PPP1R1C: variants seen among roughly 807,000 people sequenced by gnomAD.
The protein encoded by PPP1R1C is protein phosphatase 1 regulatory inhibitor subunit 1C, also known as protein phosphatase 1 regulatory subunit 1C.
Under a neutral mutation model 17.4 loss-of-function variants are expected in PPP1R1C, and 15 were observed. The ratio of observed to expected loss-of-function variants is 0.86; its 90% CI spans 0.58 to 1.33. The LOEUF (loss-of-function observed/expected upper bound fraction) is 1.33, where lower values mean the gene tolerates loss of function less well. PPP1R1C is among the 40% of genes most tolerant of loss of function. The pLI is 0.00. For synonymous variants in PPP1R1C, 35 were observed against 43.1 expected (o/e 0.81, Z 0.73); for missense variants, 143 against 130.0 (o/e 1.10, Z -0.48).
intron 4 of PPP1R1C, among the ~76,000 whole-genome samples, chr2:182,086,419 C>T (rs371553730): frequency 6.5e-4 from 99 of 152,156 alleles, no homozygotes; most frequent in Admixed American, 1.0e-3. Flanking sequence ...GGAAAAGATA[C>T]ACTCATGCAT....
intron 4 of PPP1R1C, among the ~76,000 whole-genome samples, chr2:182,087,261 C>T (rs1454239258): frequency 6.6e-6 from 1 of 152,216 alleles, no homozygotes; most frequent in African/African-American, 2.4e-5. Context: ...GTAATGCCTG[C>T]AAGGCCCAGG....
At chr2:181,973,155 A>T (rs1472789429) in intron 1 of PPP1R1C, among the ~76,000 whole-genome samples, 1 of 152,194 alleles carries the variant, frequency 6.6e-6, no homozygotes. Context: ...CATAGGCCAG[A>T]CCAGGCCCAC....
At chr2:182,086,368 T>A (rs1688629466) in intron 4 of PPP1R1C, among the ~76,000 whole-genome samples, 1 of 152,146 alleles carries the variant, frequency 6.6e-6, no homozygotes. Context: ...AATTTTGAAT[T>A]TTTCTTTAAA....
chr2:182,061,927 C>T (rs547228592), intron 3 of PPP1R1C, among the ~76,000 whole-genome samples: 6 of 152,152 alleles, frequency 3.9e-5, no homozygotes, highest in East Asian at 1.9e-4. Context: ...ACAGATCCAA[C>T]GGGTTCACCT....
At chr2:181,969,073 T>C (rs2125133062) in intron 1 of PPP1R1C, among the ~76,000 whole-genome samples, 1 of 152,324 alleles carries the variant, frequency 6.6e-6, no homozygotes, top group Middle Eastern at 3.4e-3. Context: ...CTTCCAACTT[T>C]GTTGTAGTTA....
intron 1 of PPP1R1C, among the ~76,000 whole-genome samples, chr2:181,986,468 C>G (rs937708799): frequency 3.3e-5 from 5 of 152,056 alleles, no homozygotes; most frequent in African/African-American, 1.2e-4. Flanking sequence ...TAAATCTGTT[C>G]ATTTTTGCTC....
rs540737635 is a variant in PPP1R1C at position 182,068,663 on chromosome 2, C to T, written c.241+4872C>T. ...CTCAGACATCATGTCCTTTATTTTC[C>T]GACTATTATAACATTCCTGTAAGAG... On this transcript the variant is annotated intron_variant, in intron 4 of 4. Coordinates refer to ENST00000682840, the MANE Select transcript of PPP1R1C (RefSeq NM_001080545.3). Among the ~76,000 whole-genome samples, 9 of 152,182 alleles carry T rather than the reference C, an allele frequency of 5.9e-5. 1 individual carries two copies. Among genetic ancestry groups the T allele is most frequent in the South Asian group, 2.1e-4 (1 of 4,812 alleles).
intron 4 of PPP1R1C, among the ~76,000 whole-genome samples, chr2:182,071,589 A>T (rs147813105): frequency 6.6e-6 from 1 of 152,156 alleles, no homozygotes; most frequent in Non-Finnish European, 1.5e-5. Context: ...TGTGTGTAGT[A>T]CCCATTTAAA....
intron 2 of PPP1R1C, among the ~76,000 whole-genome samples, chr2:182,057,025 T>G (rs142915403): frequency 6.6e-6 from 1 of 152,338 alleles, no homozygotes; most frequent in Non-Finnish European, 1.5e-5. Flanking sequence ...TAAAAGTATG[T>G]ATTTAGCACC....
At chr2:181,977,876 T>C (rs973483963) in intron 2 of PPP1R1C, among the ~76,000 whole-genome samples, 3 of 152,308 alleles carry the variant, frequency 2.0e-5, no homozygotes, top group African/African-American at 7.2e-5. Context: ...GGGGTAGCTG[T>C]GATGACTCAA....
intron 2 of PPP1R1C, among the ~76,000 whole-genome samples, chr2:182,005,170 A>G (rs1330807940): frequency 2.6e-5 from 4 of 152,196 alleles, no homozygotes; most frequent in Non-Finnish European, 4.4e-5. Flanking sequence ...TTGGCAATAT[A>G]TATACTATAG....
At chr2:181,993,455 A>G (rs1685525236) in intron 2 of PPP1R1C, among the ~76,000 whole-genome samples, 1 of 152,110 alleles carries the variant, frequency 6.6e-6, no homozygotes, top group Admixed American at 6.5e-5. Context: ...AATAAACGCT[A>G]TACTGGCCCA....
intron 2 of PPP1R1C, among the ~76,000 whole-genome samples, chr2:182,005,282 A>G (rs1685884408): frequency 6.6e-6 from 1 of 152,230 alleles, no homozygotes; most frequent in Non-Finnish European, 1.5e-5. Flanking sequence ...TTAGTTACTC[A>G]TATCTACTGA....
At chr2:182,074,625 C>T (rs748274652) in intron 4 of PPP1R1C, among the ~76,000 whole-genome samples, 2 of 152,162 alleles carry the variant, frequency 1.3e-5, no homozygotes, top group African/African-American at 4.8e-5. Context: ...ACATTCTTCA[C>T]AAACTTGTCC....
At chr2:182,036,017 T>G (rs1372400608) in intron 2 of PPP1R1C, among the ~76,000 whole-genome samples, 1 of 152,080 alleles carries the variant, frequency 6.6e-6, no homozygotes, top group Non-Finnish European at 1.5e-5. Flanking sequence ...ACACATTTGC[T>G]TTTCCACATA....
At chr2:182,127,193 G>T (rs531351256) in intron 5 of PPP1R1C, among the ~76,000 whole-genome samples, 3 of 152,158 alleles carry the variant, frequency 2.0e-5, no homozygotes, top group East Asian at 1.9e-4. Context: ...AACTTGTAAG[G>T]TTTGTGGAGC....
At chr2:182,101,222 T>C (rs1353453647) in intron 4 of PPP1R1C, among the ~76,000 whole-genome samples, 1 of 152,214 alleles carries the variant, frequency 6.6e-6, no homozygotes, top group Non-Finnish European at 1.5e-5. Flanking sequence ...AGCCTCCAAT[T>C]GTAGAAAAGA....
At chr2:181,966,594 A>G (rs1684909912) in intron 1 of PPP1R1C, among the ~76,000 whole-genome samples, 6 of 152,174 alleles carry the variant, frequency 3.9e-5, no homozygotes, top group Admixed American at 3.9e-4. Flanking sequence ...CATTCTGCTA[A>G]TATGATGTAT....
intron 1 of PPP1R1C, among the ~76,000 whole-genome samples, chr2:181,974,190 C>T (rs1037250733): frequency 7.2e-5 from 11 of 152,040 alleles, no homozygotes; most frequent in Non-Finnish European, 5.9e-5. Context: ...CTAGAGTTGA[C>T]TTAAATCATG....
Sources: gnomAD v4.1 joint callset for allele counts (sites outside exome capture counted in the v4.1 genomes callset) on GRCh38, gnomAD v4.1.1 for gene constraint, MANE v1.5 for transcripts, NCBI Gene and HGNC (gene_info 2026-07-23, HGNC 2026-07-21) for gene names.